GRIP1: variants seen among roughly 807,000 people sequenced by gnomAD.
The protein encoded by GRIP1 is glutamate receptor-interacting protein 1.
Under a neutral mutation model 129.9 loss-of-function variants are expected in GRIP1, and 45 were observed. The ratio of observed to expected loss-of-function variants is 0.35; its 90% confidence interval spans 0.27 to 0.44. The LOEUF (loss-of-function observed/expected upper bound fraction) is 0.44, where lower values mean the gene tolerates loss of function less well. Ranked by LOEUF, GRIP1 falls within the 20% of genes least tolerant of loss-of-function variation. The probability of loss-of-function intolerance (pLI) is 1.00; values close to 1 mark genes in which losing one functional copy is unlikely to be tolerated. For synonymous variants in GRIP1, 530 were observed against 520.8 expected, an observed-to-expected ratio of 1.02 and a Z score of -0.24; for missense variants, 1,196 against 1,396.8, an observed-to-expected ratio of 0.86 and a Z score of 2.29.
intron 1 of GRIP1, among the ~76,000 whole-genome samples, chr12:66,819,008 G>A (rs1422780131): frequency 6.6e-6 from 1 of 152,152 alleles, no homozygotes; most frequent in Non-Finnish European, 1.5e-5. Context: ...TACTAACAAT[G>A]TACTTAAATG....
intron 1 of GRIP1, among the ~76,000 whole-genome samples, chr12:66,651,924 TGA>T (rs1297335895): frequency 1.3e-5 from 2 of 152,170 alleles, no homozygotes; most frequent in East Asian, 1.9e-4. Flanking sequence ...CACCATATTT[TGA>T]GAGTTTTCTC....
chr12:66,901,271 A>G (rs1010246041), intron 1 of GRIP1, among the ~76,000 whole-genome samples: 8 of 152,234 alleles, frequency 5.3e-5, no homozygotes, highest in African/African-American at 1.7e-4. Flanking sequence ...GCAATTTCAC[A>G]TGATGAGGGG....
intron 1 of GRIP1, among the ~76,000 whole-genome samples, chr12:66,987,707 G>A (rs1044640840): frequency 1.8e-4 from 28 of 152,144 alleles, no homozygotes; most frequent in Non-Finnish European, 1.2e-4. Flanking sequence ...CTTTCATTAA[G>A]AGAGTCATAA....
intron 15 of GRIP1, among the ~76,000 whole-genome samples, chr12:66,418,576 C>T (rs2057692706): frequency 6.6e-6 from 1 of 152,052 alleles, no homozygotes; most frequent in Admixed American, 6.5e-5. Flanking sequence ...ATACATGGAG[C>T]TCAAACAAGT....
At chr12:66,671,506 C>A (rs1304763907) in intron 1 of GRIP1, among the ~76,000 whole-genome samples, 1 of 152,164 alleles carries the variant, frequency 6.6e-6, no homozygotes, top group African/African-American at 2.4e-5. Flanking sequence ...CCTCCACCCC[C>A]ACAGGCTGCT....
At chr12:66,601,738 A>G (rs1171568403) in intron 1 of GRIP1, among the ~76,000 whole-genome samples, 1 of 152,244 alleles carries the variant, frequency 6.6e-6, no homozygotes, top group East Asian at 1.9e-4. Flanking sequence ...AGGGCATGCC[A>G]CAGTGTTCAT....
At chr12:66,357,112 A>G (rs1168354) in intron 23 of GRIP1, among the ~76,000 whole-genome samples, 26,296 of 152,044 alleles carry the variant, frequency 0.17, 2,928 homozygotes, top group East Asian at 0.24. Flanking sequence ...CCTGAGCTCA[A>G]GTGATCCGCC....
chr12:66,681,712 G>A (rs2034590367), upstream of GRIP1, among the ~76,000 whole-genome samples: 1 of 152,114 alleles, frequency 6.6e-6, no homozygotes, highest in South Asian at 2.1e-4. Flanking sequence ...ATTTGATTAA[G>A]CCCCAATGTG....
At chr12:66,452,371 T>C (rs1012344506) in intron 11 of GRIP1, among the ~76,000 whole-genome samples, 8 of 152,234 alleles carry the variant, frequency 5.3e-5, no homozygotes, top group African/African-American at 1.7e-4. Context: ...CAAAGCCTAA[T>C]GTGTGCTGTA....
At chr12:67,061,238 G>A (rs2043530297) in intron 1 of GRIP1, among the ~76,000 whole-genome samples, 1 of 152,180 alleles carries the variant, frequency 6.6e-6, no homozygotes, top group Admixed American at 6.5e-5. Flanking sequence ...ATCCAGAGAT[G>A]GCCTGCTAAT....
At chr12:66,917,686 C>T (rs1033448449) in intron 1 of GRIP1, among the ~76,000 whole-genome samples, 3 of 152,120 alleles carry the variant, frequency 2.0e-5, no homozygotes, top group Non-Finnish European at 4.4e-5. Context: ...AATCACTAGA[C>T]ATTTAAAGAA....
At chr12:66,749,970 G>A (rs1337922975) in intron 1 of GRIP1, among the ~76,000 whole-genome samples, 2 of 152,186 alleles carry the variant, frequency 1.3e-5, no homozygotes, top group Non-Finnish European at 2.9e-5. Context: ...TTCTCAGGCT[G>A]AAAACCAAGT....
chr12:66,638,970 A>T (rs1379179615), intron 1 of GRIP1, among the ~76,000 whole-genome samples: 1 of 152,230 alleles, frequency 6.6e-6, no homozygotes, highest in Non-Finnish European at 1.5e-5. Context: ...TAGTTTGGCT[A>T]CGAGGATTAA....
At chr12:66,488,673 ACGAAT>A in intron 7 of GRIP1, among the ~76,000 whole-genome samples, 1 of 151,650 alleles carries the variant, frequency 6.6e-6, no homozygotes, top group South Asian at 2.1e-4. Flanking sequence ...CAAAAAATCA[ACGAAT>A]CTAGGAGCTG....
intron 1 of GRIP1, among the ~76,000 whole-genome samples, chr12:66,687,288 A>G (rs2136301347): frequency 6.6e-6 from 1 of 152,352 alleles, no homozygotes; most frequent in Middle Eastern, 3.4e-3. Flanking sequence ...AACACATGCA[A>G]TTAGGTGACA....
chr12:66,506,039 A>T (rs1484960754), intron 7 of GRIP1, among the ~76,000 whole-genome samples: 2 of 152,224 alleles, frequency 1.3e-5, no homozygotes, highest in Non-Finnish European at 2.9e-5. Flanking sequence ...AAAAAGACTG[A>T]CAATACCAAG....
chr12:66,440,985 G>C (rs1051976517), intron 13 of GRIP1, among the ~76,000 whole-genome samples: 3 of 152,160 alleles, frequency 2.0e-5, no homozygotes, highest in African/African-American at 7.2e-5. Flanking sequence ...CATCCATTCA[G>C]TGCATTTTTC....
At chr12:66,790,776 A>G (rs1050770866) in intron 1 of GRIP1, among the ~76,000 whole-genome samples, 1 of 152,100 alleles carries the variant, frequency 6.6e-6, no homozygotes, top group African/African-American at 2.4e-5. Flanking sequence ...AGACAGTTGG[A>G]AAGATAGATC....
chr12:66,803,644 G>T (rs960370288), intron 1 of GRIP1, among the ~76,000 whole-genome samples: 2 of 152,188 alleles, frequency 1.3e-5, no homozygotes, highest in Non-Finnish European at 1.5e-5. Context: ...TGTATCAGGA[G>T]CATTAAGCAT....
Sources: gnomAD v4.1 joint callset for allele counts (sites outside exome capture counted in the v4.1 genomes callset) on GRCh38, gnomAD v4.1.1 for gene constraint, MANE v1.5 for transcripts, NCBI Gene and HGNC (gene_info 2026-07-23, HGNC 2026-07-21) for gene names.